CCR2: variants seen among roughly 807,000 people sequenced by gnomAD.
The protein encoded by CCR2 is C-C motif chemokine receptor 2.
For synonymous variants in CCR2, 183 were observed against 177.1 expected (o/e 1.03, Z -0.27); for missense variants, 408 against 440.0 (o/e 0.93, Z 0.65).
rs1203563984 is a variant in CCR2, at chr3:46,360,249, T to G, written c.*1639T>G. 1 of 223,612 alleles carries G rather than the reference T, an allele frequency of 4.5e-6. No homozygotes were observed. Among genetic ancestry groups the G allele is most frequent in the East Asian group, 1.6e-4 (1 of 6,248 alleles). 13.9% of individuals were successfully genotyped at this position (223,612 alleles called of 1,614,324 possible). A position where few individuals can be genotyped will look rare whatever the true frequency, so the allele number is the denominator to read the frequency against. On this transcript the variant is annotated 3_prime_UTR_variant, in exon 2 of 2. Coordinates refer to ENST00000445132, the MANE Select transcript of CCR2 (RefSeq NM_001123396.4). ...ACTGCTGAGTCAACCCAATAGTTGT[T>G]GATTGGCAGGAGTTGGAAGTGTGTG...
In CCR2 at chr3:46,357,733, A is replaced by G; in HGVS notation, c.206A>G (p.Asn69Ser). ...GNMLVVLILI[N>S]CKKLKCLTDI... The stretch of plus-strand genomic sequence containing the variant: ...ATGCTGGTCGTCCTCATCTTAATAA[A>G]CTGCAAAAAGCTGAAGTGCTTGACT... The change falls in exon 2 of 2, where the codon AAC becomes AGC. Residue 69 changes from asparagine to serine, a missense_variant. Transcript: ENST00000445132. 6.2e-7 allele frequency: 1 copy of G among 1,614,082 alleles called. No homozygotes were observed. Among genetic ancestry groups the G allele is most frequent in the Non-Finnish European group, 8.5e-7 (1 of 1,180,000 alleles).
intron 1 of CCR2, among the ~76,000 whole-genome samples, chr3:46,354,527 C>T (rs917368580): frequency 2.0e-5 from 3 of 152,126 alleles, no homozygotes; most frequent in Non-Finnish European, 4.4e-5. Context: ...TAGGACCATC[C>T]AAGCTCTGAA....
In CCR2 at chr3:46,359,444, G is replaced by A; in HGVS notation, c.*834G>A. On this transcript the variant is annotated 3_prime_UTR_variant, in exon 2 of 2. Coordinates refer to ENST00000445132, the MANE Select transcript of CCR2 (RefSeq NM_001123396.4). ...TATAGGCTCTTGCTTGATCTCTCCA[G>A]GAGGTAGTGATTATGAGAAGGGGGT... is the stretch of plus-strand genomic sequence containing the variant. 1 of 1,150,608 alleles carries A rather than the reference G, an allele frequency of 8.7e-7. No individual in the cohort carries two copies. Among genetic ancestry groups the A allele is most frequent in the South Asian group, 1.9e-5 (1 of 51,492 alleles). 71.3% of individuals were successfully genotyped at this position (1,150,608 alleles called of 1,614,324 possible). A position where few individuals can be genotyped will look rare whatever the true frequency, so the allele number is the denominator to read the frequency against.
At chr3:46,357,183 C>T (rs1254737131) in intron 1 of CCR2, among the ~76,000 whole-genome samples, 1 of 152,242 alleles carries the variant, frequency 6.6e-6, no homozygotes, top group Non-Finnish European at 1.5e-5. Context: ...CAGACCTATG[C>T]ACCACCTGCA....
In CCR2 at chr3:46,359,400, T is replaced by C. The variant is rs1348355936; in HGVS notation, c.*790T>C. The C allele has an allele frequency of 9.3e-7, 1 of 1,075,834 alleles. No individual in the cohort carries two copies. Among genetic ancestry groups the C allele is most frequent in the Non-Finnish European group, 1.1e-6 (1 of 870,562 alleles). 66.6% of individuals were successfully genotyped at this position (1,075,834 alleles called of 1,614,324 possible). ...AGATGCATTATCTATGATATGCTAATATATGTATATGCAATATATATAGGC... is the reference window on the plus strand; with the variant it reads ...AGATGCATTATCTATGATATGCTAACATATGTATATGCAATATATATAGGC... On this transcript the variant is annotated 3_prime_UTR_variant, in exon 2 of 2. Transcript: ENST00000445132.
In CCR2 at chr3:46,359,062, A is replaced by G. The variant is rs112118975; in HGVS notation, c.*452A>G. Reference sequence around the variant, plus strand: ...AGCATGGCTGAGCCTGGACAAAGACAAAGGTGAGCAAAGGGCTCACGCATT... The same window carrying G: ...AGCATGGCTGAGCCTGGACAAAGACGAAGGTGAGCAAAGGGCTCACGCATT... On this transcript the variant is annotated 3_prime_UTR_variant, in exon 2 of 2. Transcript: ENST00000445132. The G allele has an allele frequency of 9.8e-7, 1 of 1,015,468 alleles. No individual in the cohort carries two copies. The highest frequency in any genetic ancestry group is 1.2e-6 in the Non-Finnish European group (1 of 838,890). The allele number at this position is 1,015,468 out of a possible 1,614,324, so 62.9% of individuals were successfully genotyped here.
At position 46,360,310 on chromosome 3, in the gene CCR2, C is replaced by T. The variant is rs1288547885; in HGVS notation, c.*1700C>T. The T allele has an allele frequency of 5.7e-6, 1 of 175,926 alleles. No homozygotes were observed. The allele number at this position is 175,926 out of a possible 1,614,324, so 10.9% of individuals were successfully genotyped here. A position where few individuals can be genotyped will look rare whatever the true frequency, so the allele number is the denominator to read the frequency against. On this transcript the variant is annotated 3_prime_UTR_variant, in exon 2 of 2. Coordinates refer to ENST00000445132, the MANE Select transcript of CCR2 (RefSeq NM_001123396.4). ...ACATTAGCCTATGTGCATGCAGCAT[C>T]TAAGTAATGATGTCGTTTGAATCAC...
chr3:46,354,680 T>C (rs1701420156), intron 1 of CCR2, among the ~76,000 whole-genome samples: 1 of 152,246 alleles, frequency 6.6e-6, no homozygotes, highest in African/African-American at 2.4e-5. Context: ...ATTTCAGGCA[T>C]CTTGCTCATT....
At chr3:46,355,176 A>C (rs1405388581) in intron 1 of CCR2, among the ~76,000 whole-genome samples, 1 of 152,220 alleles carries the variant, frequency 6.6e-6, no homozygotes. Context: ...GTAGCAGATA[A>C]CATAATAAGT....
intron 1 of CCR2, among the ~76,000 whole-genome samples, chr3:46,357,222 G>A (rs896670559): frequency 1.3e-5 from 2 of 152,200 alleles, no homozygotes; most frequent in African/African-American, 4.8e-5. Context: ...AACGCCCAGC[G>A]CTTTTAGCCT....
chr3:46,360,664 T>C lies in CCR2; in HGVS notation c.*2054T>C, dbSNP rs948775939. On this transcript the variant is annotated 3_prime_UTR_variant, in exon 2 of 2. Coordinates refer to ENST00000445132, the MANE Select transcript of CCR2 (RefSeq NM_001123396.4). ...TATGTTGCCCAGTGTGTTTCTGATC[T>C]GATGCAAGCAAGAAACACTGGGCTT... The C allele has an allele frequency of 3.9e-5, 6 of 152,200 alleles. No individual in the cohort carries two copies. The highest frequency in any genetic ancestry group is 2.9e-5 in the Non-Finnish European group (2 of 68,038). 9.4% of individuals were successfully genotyped at this position (152,200 alleles called of 1,614,324 possible). A position where few individuals can be genotyped will look rare whatever the true frequency, so the allele number is the denominator to read the frequency against.
intron 1 of CCR2, among the ~76,000 whole-genome samples, chr3:46,355,845 G>C (rs892926489): frequency 6.6e-6 from 1 of 152,138 alleles, no homozygotes; most frequent in Non-Finnish European, 1.5e-5. Flanking sequence ...TAAAGAAATC[G>C]GCACTTGAAG....
At chr3:46,355,674 C>T (rs190132380) in intron 1 of CCR2, among the ~76,000 whole-genome samples, 1 of 152,066 alleles carries the variant, frequency 6.6e-6, no homozygotes, top group Admixed American at 6.5e-5. Flanking sequence ...AAGAAAGTGA[C>T]AGTTGAAAGC....
Position 46,358,661 on chromosome 3 carries a change from A to G in CCR2, c.*51A>G. 2.0e-6 allele frequency: 3 copies of G among 1,515,368 alleles called. No homozygotes were observed. The South Asian group carries it at 3.9e-5, about 20-fold the overall frequency. The allele number at this position is 1,515,368 out of a possible 1,614,324, so 93.9% of individuals were successfully genotyped here. On this transcript the variant is annotated 3_prime_UTR_variant, in exon 2 of 2. Coordinates refer to ENST00000445132, the MANE Select transcript of CCR2 (RefSeq NM_001123396.4). ...TATAAAGGGAGATAACAATCTGTAT[A>G]TAACAACAAACTTCAAGGGTTTGTT...
Position 46,358,926 on chromosome 3 carries a change from T to C in CCR2, c.*316T>C. The stretch of plus-strand genomic sequence containing the variant: ...TTCACTCAATCTCTGATTCTGTCAA[T>C]GTCTTGAAATCAAGGGCCAGCTGGA... On this transcript the variant is annotated 3_prime_UTR_variant, in exon 2 of 2. Transcript: ENST00000445132. The C allele has an allele frequency of 1.8e-6, 2 of 1,083,912 alleles. No individual in the cohort carries two copies. The highest frequency in any genetic ancestry group is 6.4e-5 in the South Asian group (2 of 31,284). 67.1% of individuals were successfully genotyped at this position (1,083,912 alleles called of 1,614,324 possible).
At position 46,360,938 on chromosome 3, in the gene CCR2, C is replaced by T. The variant is rs984345002; in HGVS notation, c.*2328C>T. On this transcript the variant is annotated 3_prime_UTR_variant, in exon 2 of 2. Coordinates refer to ENST00000445132, the MANE Select transcript of CCR2 (RefSeq NM_001123396.4). ...ACTATGTTGATAAAAGATTTAAAAA[C>T]AACTGGCTGTTTTTTTACACTGTGG... The T allele has an allele frequency of 2.6e-5, 4 of 152,182 alleles. No individual in the cohort carries two copies. Among genetic ancestry groups the T allele is most frequent in the Non-Finnish European group, 5.9e-5 (4 of 68,032 alleles). 9.4% of individuals were successfully genotyped at this position (152,182 alleles called of 1,614,324 possible).
Position 46,360,907 on chromosome 3 carries a change from G to T in CCR2, c.*2297G>T, listed in dbSNP as rs537321220. On this transcript the variant is annotated 3_prime_UTR_variant, in exon 2 of 2. Coordinates refer to ENST00000445132, the MANE Select transcript of CCR2 (RefSeq NM_001123396.4). Reference sequence around the variant, plus strand: ...ACTATGATTTGGAAAATAAATCAATGCTATAACTATGTTGATAAAAGATTT... The same window carrying T: ...ACTATGATTTGGAAAATAAATCAATTCTATAACTATGTTGATAAAAGATTT... 8 of 152,348 alleles carry T rather than the reference G, an allele frequency of 5.3e-5. 1 individual carries two copies. The highest frequency in any genetic ancestry group is 1.9e-4 in the African/African-American group (8 of 41,580). 9.4% of individuals were successfully genotyped at this position (152,348 alleles called of 1,614,324 possible). A position where few individuals can be genotyped will look rare whatever the true frequency, so the allele number is the denominator to read the frequency against.
Position 46,359,512 on chromosome 3 carries a change from C to T in CCR2, c.*902C>T, listed in dbSNP as rs1043442780. On this transcript the variant is annotated 3_prime_UTR_variant, in exon 2 of 2. Coordinates refer to ENST00000445132, the MANE Select transcript of CCR2 (RefSeq NM_001123396.4). ...TTCACCAGGAGCAAAGGACGGGGATCGTGTGGAACCACTGCAGAACTATTT... is the reference window on the plus strand; with the variant it reads ...TTCACCAGGAGCAAAGGACGGGGATTGTGTGGAACCACTGCAGAACTATTT... The T allele has an allele frequency of 4.7e-5, 45 of 966,360 alleles. No homozygotes were observed. Among genetic ancestry groups the T allele is most frequent in the East Asian group, 1.1e-4 (4 of 36,700 alleles). 59.9% of individuals were successfully genotyped at this position (966,360 alleles called of 1,614,324 possible). A position where few individuals can be genotyped will look rare whatever the true frequency, so the allele number is the denominator to read the frequency against.
rs1701535613 is a variant in CCR2 at position 46,360,667 on chromosome 3, T to C, written c.*2057T>C. ...GTTGCCCAGTGTGTTTCTGATCTGA[T>C]GCAAGCAAGAAACACTGGGCTTCTA... is the stretch of plus-strand genomic sequence containing the variant. On this transcript the variant is annotated 3_prime_UTR_variant, in exon 2 of 2. Coordinates refer to ENST00000445132, the MANE Select transcript of CCR2 (RefSeq NM_001123396.4). 1.3e-5 allele frequency: 2 copies of C among 152,314 alleles called. No homozygotes were observed. Among genetic ancestry groups the C allele is most frequent in the South Asian group, 4.1e-4 (2 of 4,822 alleles). 9.4% of individuals were successfully genotyped at this position (152,314 alleles called of 1,614,324 possible). A position where few individuals can be genotyped will look rare whatever the true frequency, so the allele number is the denominator to read the frequency against.
Sources: allele counts gnomAD v4.1 joint callset (sites outside exome capture counted in the v4.1 genomes callset), GRCh38; gene constraint gnomAD v4.1.1; transcripts MANE v1.5; gene names NCBI Gene and HGNC (gene_info 2026-07-23, HGNC 2026-07-21).